SRPK2: variants seen among roughly 807,000 people sequenced by gnomAD.
SRPK2 encodes SRSF protein kinase 2.
In SRPK2, 21 loss-of-function variants were observed where a neutral mutation model predicts 90.8. The ratio of observed to expected loss-of-function variants is 0.23; its 90% CI spans 0.16 to 0.33. SRPK2 has a LOEUF of 0.33. Among genes scored for constraint, SRPK2 ranks in the 10% least tolerant of loss-of-function variants. SRPK2 has a pLI of 1.00. For missense variants in SRPK2, 620 were observed against 869.0 expected (o/e 0.71, Z 3.60); for synonymous variants, 288 against 311.1 (o/e 0.93, Z 0.78).
At chr7:105,394,201 G>A (rs955913951), upstream of SRPK2, among the ~76,000 whole-genome samples, 1 of 149,262 alleles carries the variant, frequency 6.7e-6, no homozygotes, top group Non-Finnish European at 1.5e-5. Context: ...GGAGTGCAGT[G>A]GCATGATTTC....
intron 2 of SRPK2, chr7:105,297,604 G>A (rs1488836307): frequency 1.9e-6 from 1 of 520,800 alleles, no homozygotes; most frequent in Non-Finnish European, 2.5e-6. Flanking sequence ...TACCTAAAAG[G>A]TCTTCCGAGA....
intron 3 of SRPK2, among the ~76,000 whole-genome samples, chr7:105,177,536 T>C (rs541489695): frequency 6.6e-6 from 1 of 152,164 alleles, no homozygotes; most frequent in Non-Finnish European, 1.5e-5. Flanking sequence ...AGAGTTAAAA[T>C]GTAAGTTTTT....
chr7:105,145,244 T>C, intron 9 of SRPK2, 39 bp downstream of exon 9: 1 of 1,525,566 alleles, frequency 6.6e-7, no homozygotes, highest in Admixed American at 2.0e-5. Flanking sequence ...CGGTCTCTTT[T>C]AACATGGTGC....
downstream of SRPK2, chr7:105,115,292 G>GTAAC (rs1398030892): frequency 6.6e-6 from 1 of 152,204 alleles, no homozygotes; most frequent in Non-Finnish European, 1.5e-5. Flanking sequence ...CTTTATCGTG[G>GTAAC]TAACTAGTTA....
In SRPK2 at chr7:105,341,953, C is replaced by T. The variant is rs184807398; in HGVS notation, c.71+46695G>A. Among the ~76,000 whole-genome samples, 59 of 146,000 alleles carry T rather than the reference C, an allele frequency of 4.0e-4. No homozygotes were observed. The East Asian group carries it at 0.011, about 27-fold the overall frequency. On this transcript the variant is annotated intron_variant, in intron 2 of 15. Transcript: ENST00000393651. ...CTGCACTCCAGCCTGGCTGCCAGAG[C>T]GAGACTCTGTCTCAAATAAATAAAT...
At chr7:105,396,207 G>A (rs1218630232) in intron 1 of SRPK2, among the ~76,000 whole-genome samples, 6 of 151,776 alleles carry the variant, frequency 4.0e-5, no homozygotes, top group African/African-American at 1.2e-4. Context: ...GAGCCACCAC[G>A]CCCGGCTAGT....
At chr7:105,285,213 C>T (rs1585531902) in intron 2 of SRPK2, among the ~76,000 whole-genome samples, 2 of 151,794 alleles carry the variant, frequency 1.3e-5, no homozygotes, top group East Asian at 3.9e-4. Flanking sequence ...TAGCGAAACC[C>T]TATCTCTACA....
intron 2 of SRPK2, among the ~76,000 whole-genome samples, chr7:105,290,255 C>G (rs1335201084): frequency 6.7e-6 from 1 of 149,620 alleles, no homozygotes; most frequent in Admixed American, 6.7e-5. Context: ...CACAAAATTT[C>G]CATTTGTATT....
At chr7:105,208,897 G>T (rs1231117504) in intron 2 of SRPK2, among the ~76,000 whole-genome samples, 1 of 152,134 alleles carries the variant, frequency 6.6e-6, no homozygotes, top group African/African-American at 2.4e-5. Flanking sequence ...TGAGGCAGGA[G>T]GATCGCTTGA....
At chr7:105,270,799 T>C (rs1204097659) in intron 2 of SRPK2, among the ~76,000 whole-genome samples, 2 of 152,164 alleles carry the variant, frequency 1.3e-5, no homozygotes, top group Non-Finnish European at 2.9e-5. Context: ...ATGAGGATAA[T>C]AACATATATC....
At chr7:105,229,159 T>C (rs1240109385) in intron 2 of SRPK2, among the ~76,000 whole-genome samples, 1 of 152,110 alleles carries the variant, frequency 6.6e-6, no homozygotes. Flanking sequence ...GGTACACTTG[T>C]TGCTTTAAAA....
intron 2 of SRPK2, among the ~76,000 whole-genome samples, chr7:105,211,425 C>T (rs1796843487): frequency 6.6e-6 from 1 of 152,058 alleles, no homozygotes; most frequent in South Asian, 2.1e-4. Flanking sequence ...AATTGGCTCA[C>T]AGTCCTGCAG....
chr7:105,178,769 A>T (rs1255449518), intron 3 of SRPK2, among the ~76,000 whole-genome samples: 3 of 152,158 alleles, frequency 2.0e-5, no homozygotes. Context: ...TGATGACACC[A>T]CTGCACTCCA....
chr7:105,379,656 A>T (rs1280859861), intron 2 of SRPK2, among the ~76,000 whole-genome samples: 3 of 152,034 alleles, frequency 2.0e-5, no homozygotes, highest in African/African-American at 7.2e-5. Flanking sequence ...AAATAAATGT[A>T]AAAAAAATCA....
intron 2 of SRPK2, among the ~76,000 whole-genome samples, chr7:105,224,229 T>C (rs1389501537): frequency 6.6e-6 from 1 of 152,224 alleles, no homozygotes; most frequent in Non-Finnish European, 1.5e-5. Context: ...CCTTTAATAA[T>C]ATTTTGTAAT....
At chr7:105,250,614 C>CTT (rs1229528188) in intron 2 of SRPK2, among the ~76,000 whole-genome samples, 1 of 152,148 alleles carries the variant, frequency 6.6e-6, no homozygotes, top group African/African-American at 2.4e-5. Context: ...CACCAAGGAA[C>CTT]TAAATGGAGC....
In SRPK2 at chr7:105,162,347, T is replaced by C. The variant is rs556508077; in HGVS notation, c.515-1734A>G. Among the ~76,000 whole-genome samples, 189 of 152,244 alleles carry C rather than the reference T, an allele frequency of 1.2e-3. 1 individual carries two copies. The highest frequency in any genetic ancestry group is 2.1e-3 in the Non-Finnish European group (144 of 68,004). On this transcript the variant is annotated intron_variant, in intron 6 of 15. Coordinates refer to ENST00000393651, the MANE Select transcript of SRPK2 (RefSeq NM_182692.3). The stretch of plus-strand genomic sequence containing the variant: ...ATGAGCCACCACACCTGGCCCCAAC[T>C]TAATTTTTTTTTAAAATAGGTATTT...
Position 105,213,853 on chromosome 7 carries a change from T to G in SRPK2, c.72-10068A>C, listed in dbSNP as rs569871225. 3.0e-4 allele frequency among the ~76,000 whole-genome samples: 46 copies of G among 152,180 alleles called. 1 individual carries two copies. Among genetic ancestry groups the G allele is most frequent in the Non-Finnish European group, 4.6e-4 (31 of 68,022 alleles). On this transcript the variant is annotated intron_variant, in intron 2 of 15. Coordinates refer to ENST00000393651, the MANE Select transcript of SRPK2 (RefSeq NM_182692.3). ...ATGCTATTCAGGAAATAATGTAAGATGTACCACTTTACACAAGCCTTCTGC... is the reference window on the plus strand; with the variant it reads ...ATGCTATTCAGGAAATAATGTAAGAGGTACCACTTTACACAAGCCTTCTGC...
chr7:105,169,040 G>A (rs1790468803), intron 4 of SRPK2, 117 bp downstream of exon 4: 1 of 788,050 alleles, frequency 1.3e-6, no homozygotes. Context: ...AGGCAGGCCT[G>A]TGCTAAGCAC....
Sources: gnomAD v4.1 joint callset for allele counts (sites outside exome capture counted in the v4.1 genomes callset) on GRCh38, gnomAD v4.1.1 for gene constraint, MANE v1.5 for transcripts, NCBI Gene and HGNC (gene_info 2026-07-23, HGNC 2026-07-21) for gene names.